Variants in MAD2L2 observed in about 807,000 individuals in gnomAD.
The protein encoded by MAD2L2 is mitotic spindle assembly checkpoint protein MAD2B.
A neutral mutation model predicts 30.5 loss-of-function variants in MAD2L2; 17 were observed. The ratio of observed to expected loss-of-function variants is 0.56; its 90% CI spans 0.38 to 0.84. MAD2L2 has a LOEUF of 0.84. Among genes scored for constraint, MAD2L2 ranks in the 40% least tolerant of loss-of-function variants. The pLI is 0.00. For synonymous variants in MAD2L2, 101 were observed against 113.9 expected (o/e 0.89, Z 0.72); for missense variants, 213 against 277.4 (o/e 0.77, Z 1.65).
intron 5 of MAD2L2, among the ~76,000 whole-genome samples, chr1:11,676,580 C>T (rs897068664): frequency 5.9e-5 from 9 of 152,202 alleles, no homozygotes; most frequent in Non-Finnish European, 2.9e-5. Flanking sequence ...AGGTCAACTT[C>T]GAGTTGACTG....
chr1:11,684,828 C>T (rs955333062), upstream of MAD2L2, among the ~76,000 whole-genome samples: 5 of 152,134 alleles, frequency 3.3e-5, no homozygotes, highest in African/African-American at 1.2e-4. Context: ...TCCTGACGCT[C>T]AGGGGCCCAT....
chr1:11,683,678 A>G (rs1298921504), upstream of MAD2L2, among the ~76,000 whole-genome samples: 1 of 152,182 alleles, frequency 6.6e-6, no homozygotes, highest in Non-Finnish European at 1.5e-5. Flanking sequence ...CAATTAAAAA[A>G]AAACGTCAGC....
Position 11,676,834 on chromosome 1 carries a change from CA to C in MAD2L2, c.332+13del, listed in dbSNP as rs778076518. On this transcript the variant is annotated intron_variant, in intron 5 of 8. Coordinates refer to ENST00000376692, the MANE Select transcript of MAD2L2 (RefSeq NM_006341.4). ...CTGATGCCAGCTAGTGGGCGAGGGG[CA>C]GGGGCAGCCCACCTGATGGACAGCA... 34 of 1,607,498 alleles carry C rather than the reference CA, an allele frequency of 2.1e-5. No individual in the cohort carries two copies. Among genetic ancestry groups the C allele is most frequent in the Non-Finnish European group, 2.6e-5 (30 of 1,174,142 alleles).
intron 1 of MAD2L2, among the ~76,000 whole-genome samples, chr1:11,691,105 ACT>A (rs1390686765): frequency 2.0e-5 from 3 of 151,080 alleles, no homozygotes; most frequent in African/African-American, 7.3e-5. Context: ...CCGCCTGCCC[ACT>A]CTGCGCACTT....
Position 11,689,612 on chromosome 1 carries a change from C to T in MAD2L2, c.-692+1801G>A, listed in dbSNP as rs996418154. Among the ~76,000 whole-genome samples, 12 of 152,078 alleles carry T rather than the reference C, an allele frequency of 7.9e-5. 1 individual carries two copies. The highest frequency in any genetic ancestry group is 4.2e-4 in the South Asian group (2 of 4,814). ...CCCTCTCAAAAAGAAAAACAAAAGGCGGGGGGAGGGGAGAAGCATGAATAA... is the reference window on the plus strand; with the variant it reads ...CCCTCTCAAAAAGAAAAACAAAAGGTGGGGGGAGGGGAGAAGCATGAATAA... On this transcript the variant is annotated intron_variant, in intron 1 of 10. Transcript: ENST00000235310.
chr1:11,677,228 TCAGA>T (rs1570286018), intron 4 of MAD2L2: 1 of 600,476 alleles, frequency 1.7e-6, no homozygotes, highest in Non-Finnish European at 2.9e-6. Context: ...GGGGCTCAGC[TCAGA>T]CAGAACGTTT....
At chr1:11,676,622 C>G (rs1201404299) in intron 5 of MAD2L2, among the ~76,000 whole-genome samples, 1 of 152,230 alleles carries the variant, frequency 6.6e-6, no homozygotes, top group East Asian at 1.9e-4. Flanking sequence ...AAAACTGCTT[C>G]TGTGTCCTGG....
chr1:11,686,075 C>A (rs1640950920), upstream of MAD2L2, among the ~76,000 whole-genome samples: 1 of 152,192 alleles, frequency 6.6e-6, no homozygotes, highest in Admixed American at 6.5e-5. Context: ...ACCCTCTGGA[C>A]AAGCTGTCAC....
chr1:11,682,117 T>G (rs1640889648), upstream of MAD2L2: 1 of 152,238 alleles, frequency 6.6e-6, no homozygotes. Context: ...AGTCTCCATT[T>G]TATAGCCCCA....
Position 11,675,178 on chromosome 1 carries a change from G to C in MAD2L2, c.502-4C>G, listed in dbSNP as rs769098201. ...CCGCCAGGATCCAGGGGAAATCCTA[G>C]GGAGGAGACAAAGGTCAGGGGGGTG... On this transcript the variant is annotated splice_region_variant and splice_polypyrimidine_tract_variant and intron_variant, in intron 7 of 8. Transcript: ENST00000376692. 2 of 1,586,140 alleles carry C rather than the reference G, an allele frequency of 1.3e-6. No homozygotes were observed. Among genetic ancestry groups the C allele is most frequent in the Non-Finnish European group, 1.7e-6 (2 of 1,164,260 alleles).
chr1:11,680,224 G>T, intron 3 of MAD2L2, 129 bp downstream of exon 3: 1 of 691,228 alleles, frequency 1.4e-6, no homozygotes, highest in Admixed American at 2.5e-5. Flanking sequence ...TCGAACTCCT[G>T]ACCTCAGGTG....
At position 11,677,603 on chromosome 1, in the gene MAD2L2, G is replaced by C. The variant is rs773571957; in HGVS notation, c.171C>G (p.His57Gln). Residue 57 changes from histidine (H) to glutamine (Q), a missense_variant, in exon 4 of 9, where the codon CAC becomes CAG. Coordinates refer to ENST00000376692, the MANE Select transcript of MAD2L2 (RefSeq NM_006341.4). ...CCTGGATATACTGATTCAGCTCCGG[G>C]TGGCAGGACATCTGCACACAATACC... ...KYNVPVQMSC[H>Q]PELNQYIQDT... is the part of the protein sequence containing the mutation. 4 of 1,613,074 alleles carry C rather than the reference G, an allele frequency of 2.5e-6. No homozygotes were observed. Among genetic ancestry groups the C allele is most frequent in the Non-Finnish European group, 2.5e-6 (3 of 1,179,968 alleles).
At chr1:11,678,758 T>C (rs1237756980) in intron 3 of MAD2L2, among the ~76,000 whole-genome samples, 2 of 152,196 alleles carry the variant, frequency 1.3e-5, no homozygotes, top group Admixed American at 1.3e-4. Context: ...CAATCAAATA[T>C]CGCCAGCGGA....
Position 11,674,707 on chromosome 1 carries a change from G to T in MAD2L2, c.*68C>A. On this transcript the variant is annotated 3_prime_UTR_variant, in exon 9 of 9. Transcript: ENST00000376692. The surrounding 1 kb of genome is among the most constrained non-coding windows in gnomAD (Gnocchi z 6.1). ...CACTTGGAATCAGGGCAGCCATGCA[G>T]CACTGCCCTAGGCGGGGATCCCCCA... 6.7e-7 allele frequency: 1 copy of T among 1,495,976 alleles called. No homozygotes were observed. The highest frequency in any genetic ancestry group is 9.3e-7 in the Non-Finnish European group (1 of 1,075,374). 92.7% of individuals were successfully genotyped at this position (1,495,976 alleles called of 1,614,324 possible).
chr1:11,691,797 G>A (rs1031897512), upstream of MAD2L2: 7 of 150,900 alleles, frequency 4.6e-5, no homozygotes, highest in African/African-American at 1.7e-4. Flanking sequence ...GGCTGCGCTC[G>A]GCTCCCGCGG....
At position 11,674,703 on chromosome 1, in the gene MAD2L2, T is replaced by G; in HGVS notation, c.*72A>C. 6.6e-7 allele frequency: 1 copy of G among 1,504,802 alleles called. No individual in the cohort carries two copies. The highest frequency in any genetic ancestry group is 1.1e-5 in the South Asian group (1 of 87,598). 93.2% of individuals were successfully genotyped at this position (1,504,802 alleles called of 1,614,324 possible). ...AGAGCACTTGGAATCAGGGCAGCCA[T>G]GCAGCACTGCCCTAGGCGGGGATCC... is the stretch of plus-strand genomic sequence containing the variant. On this transcript the variant is annotated 3_prime_UTR_variant, in exon 9 of 9. Transcript: ENST00000376692. This position sits in a 1 kb window ranked among gnomAD's most constrained non-coding sequence, Gnocchi z 6.1.
Position 11,687,821 on chromosome 1 carries a change from A to G in MAD2L2, c.-692+3592T>C, listed in dbSNP as rs1452957722. On this transcript the variant is annotated intron_variant, in intron 1 of 10. Coordinates refer to the MAD2L2 transcript ENST00000235310. This position sits in a 1 kb window ranked among gnomAD's most constrained non-coding sequence, Gnocchi z 4.1. ...GATACTTCATTCCTTCGTAGAACCAAAATACTCCCGTGTATGGATAGACCA... is the reference window on the plus strand; with the variant it reads ...GATACTTCATTCCTTCGTAGAACCAGAATACTCCCGTGTATGGATAGACCA... 6.6e-6 allele frequency among the ~76,000 whole-genome samples: 1 copy of G among 152,180 alleles called. No homozygotes were observed. Among genetic ancestry groups the G allele is most frequent in the Non-Finnish European group, 1.5e-5 (1 of 68,034 alleles).
upstream of MAD2L2, chr1:11,681,816 T>C (rs1022604382): frequency 2.6e-5 from 4 of 152,162 alleles, no homozygotes; most frequent in Admixed American, 2.6e-4. Context: ...AGTAACTCCA[T>C]GAGGCAGTTA....
Position 11,677,627 on chromosome 1 carries a change from C to T in MAD2L2, c.160-13G>A. 1.2e-6 allele frequency: 2 copies of T among 1,609,770 alleles called. No individual in the cohort carries two copies. Among genetic ancestry groups the T allele is most frequent in the East Asian group, 2.2e-5 (1 of 44,840 alleles). On this transcript the variant is annotated splice_polypyrimidine_tract_variant and intron_variant, in intron 3 of 8. Transcript: ENST00000376692. ...GGTGGCAGGACATCTGCACACAATA[C>T]CATGCGGCTCGTGAGGCCCAAAGCA...
Sources: allele counts gnomAD v4.1 joint callset (sites outside exome capture counted in the v4.1 genomes callset), GRCh38; gene constraint gnomAD v4.1.1; non-coding constraint Gnocchi (gnomAD v3.1); transcripts MANE v1.5; gene names NCBI Gene and HGNC (gene_info 2026-07-23, HGNC 2026-07-21).